The following PITPNB variants were observed in gnomAD, a reference collection of about 807,000 sequenced individuals.
PITPNB encodes phosphatidylinositol transfer protein beta.
PITPNB carries 16 observed loss-of-function variants against 45.9 expected under a neutral mutation model. The ratio of observed to expected loss-of-function variants is 0.35; its 90% CI spans 0.24 to 0.53. The LOEUF is 0.53. Among genes scored for constraint, PITPNB ranks in the 20% least tolerant of loss-of-function variants. The pLI, the probability that PITPNB is intolerant of heterozygous loss-of-function variation, is 0.93. For missense variants in PITPNB, 188 were observed against 330.5 expected (o/e 0.57, Z 3.34); for synonymous variants, 112 against 108.9 (o/e 1.03, Z -0.18).
At chr22:27,918,699 A>C (rs1223968878) in intron 1 of PITPNB, among the ~76,000 whole-genome samples, 2 of 152,180 alleles carry the variant, frequency 1.3e-5, no homozygotes, top group African/African-American at 2.4e-5. Context: ...GAGTCCTGAC[A>C]CGAGGGCTGC....
At chr22:27,894,857 G>A (rs1935390648) in intron 6 of PITPNB, among the ~76,000 whole-genome samples, 1 of 152,188 alleles carries the variant, frequency 6.6e-6, no homozygotes, top group Non-Finnish European at 1.5e-5. Flanking sequence ...GAATGAGGAT[G>A]CTGCCAAATG....
chr22:27,889,775 C>T (rs944126857), intron 7 of PITPNB, among the ~76,000 whole-genome samples: 1 of 152,240 alleles, frequency 6.6e-6, no homozygotes, highest in African/African-American at 2.4e-5. Flanking sequence ...AGCACTGGTA[C>T]ACACTGCACA....
rs1198305329 is a variant in PITPNB, at chr22:27,852,344, A to G, written c.*1358T>C. Reference sequence around the variant, plus strand: ...CAAGCTTCCAGGACTGACAGAGGAAAAACTGGATTCAGACAGAGAAAGCTG... The same window carrying G: ...CAAGCTTCCAGGACTGACAGAGGAAGAACTGGATTCAGACAGAGAAAGCTG... On this transcript the variant is annotated 3_prime_UTR_variant, in exon 12 of 12. Coordinates refer to ENST00000335272, the MANE Select transcript of PITPNB (RefSeq NM_012399.5). The G allele has an allele frequency of 6.6e-6, 1 of 152,244 alleles. No homozygotes were observed. Among genetic ancestry groups the G allele is most frequent in the Non-Finnish European group, 1.5e-5 (1 of 68,040 alleles). 9.4% of individuals were successfully genotyped at this position (152,244 alleles called of 1,614,324 possible).
chr22:27,916,682 A>G (rs1936085784), intron 1 of PITPNB, among the ~76,000 whole-genome samples: 1 of 152,140 alleles, frequency 6.6e-6, no homozygotes, highest in Non-Finnish European at 1.5e-5. Context: ...GTGCGCCTGT[A>G]GTCCCAGCTA....
intron 6 of PITPNB, among the ~76,000 whole-genome samples, chr22:27,895,970 C>G (rs562710032): frequency 1.3e-5 from 2 of 152,212 alleles, no homozygotes; most frequent in African/African-American, 2.4e-5. Flanking sequence ...CCAAGTTCCA[C>G]GACAAACCTT....
At chr22:27,863,659 T>C (rs1934401264) in intron 8 of PITPNB, among the ~76,000 whole-genome samples, 1 of 152,254 alleles carries the variant, frequency 6.6e-6, no homozygotes, top group Non-Finnish European at 1.5e-5. Flanking sequence ...TGGGTGTACC[T>C]AGAACACTGA....
At position 27,864,489 on chromosome 22, in the gene PITPNB, C is replaced by CT. The variant is rs572932810; in HGVS notation, c.535-4249dup. On this transcript the variant is annotated intron_variant, in intron 8 of 11. Transcript: ENST00000335272. ...GTAATTCCACTTTTAGAAACATATC[C>CT]TATTAATCAAGTAAAGAAATGATAC... Among the ~76,000 whole-genome samples the CT allele has an allele frequency of 4.3e-4, 66 of 152,244 alleles. No homozygotes were observed. In the South Asian group the frequency reaches 0.013, roughly 30 times the overall value.
intron 3 of PITPNB, among the ~76,000 whole-genome samples, chr22:27,907,903 G>C (rs1310076329): frequency 6.6e-6 from 1 of 151,838 alleles, no homozygotes; most frequent in Non-Finnish European, 1.5e-5. Flanking sequence ...GAGTGCATGA[G>C]AGGGTAAAAC....
At chr22:27,914,229 T>G (rs1362839781) in intron 2 of PITPNB, 88 bp downstream of exon 2, 7 of 802,310 alleles carry the variant, frequency 8.7e-6, no homozygotes, top group Admixed American at 1.9e-5. Flanking sequence ...AAAAGGTAAA[T>G]CAATACTACG....
At chr22:27,856,727 G>A (rs1934184790) in intron 10 of PITPNB, among the ~76,000 whole-genome samples, 1 of 152,182 alleles carries the variant, frequency 6.6e-6, no homozygotes, top group Admixed American at 6.5e-5. Flanking sequence ...TGCATCATGG[G>A]CTTAGCGTGT....
chr22:27,904,804 C>A (rs1935709496), intron 3 of PITPNB, among the ~76,000 whole-genome samples: 1 of 152,088 alleles, frequency 6.6e-6, no homozygotes, highest in Non-Finnish European at 1.5e-5. Flanking sequence ...TTTACAACCC[C>A]AGTTTGTGGG....
intron 7 of PITPNB, among the ~76,000 whole-genome samples, chr22:27,889,110 G>A (rs151236659): frequency 1.3e-5 from 2 of 152,172 alleles, no homozygotes; most frequent in African/African-American, 2.4e-5. Flanking sequence ...GCACAACTGC[G>A]CTGGGAGAGG....
In PITPNB at chr22:27,894,560, G is replaced by C. The variant is rs774603538; in HGVS notation, c.451C>G (p.Pro151Ala). ...IDIADRSQVE[P>A]ADYKADEDPA... is the part of the protein sequence containing the mutation. ...TGTCATTGAGTAATACTTACTGCTG[G>C]TTCAACTTGACTTCTATCTGCAATA... Residue 151 changes from proline (P) to alanine (A), a missense_variant, in exon 7 of 12, where the codon CCA (proline) becomes GCA (alanine). Physicochemically the swap from Pro to Ala is conservative, Grantham distance 27. Transcript: ENST00000335272. The C allele has an allele frequency of 1.3e-6, 2 of 1,540,430 alleles. No homozygotes were observed. The highest frequency in any genetic ancestry group is 2.3e-5 in the East Asian group (1 of 44,420).
intron 3 of PITPNB, among the ~76,000 whole-genome samples, chr22:27,901,041 A>G (rs1376559893): frequency 6.6e-6 from 1 of 152,112 alleles, no homozygotes. Context: ...TTGTCCTCCC[A>G]AACTATTCAC....
At chr22:27,916,686 C>T (rs1047782729) in intron 1 of PITPNB, among the ~76,000 whole-genome samples, 10 of 151,980 alleles carry the variant, frequency 6.6e-5, no homozygotes, top group African/African-American at 2.4e-4. Context: ...GCCTGTAGTC[C>T]CAGCTACTTG....
intron 7 of PITPNB, 57 bp from the exon 8 acceptor site, chr22:27,873,872 C>T (rs982272026): frequency 2.2e-5 from 25 of 1,150,932 alleles, no homozygotes; most frequent in South Asian, 1.4e-4. Context: ...ATTCTTTAAC[C>T]GTGCCAGAAT....
intron 7 of PITPNB, among the ~76,000 whole-genome samples, chr22:27,877,261 A>G (rs894081820): frequency 7.2e-5 from 11 of 152,252 alleles, no homozygotes; most frequent in South Asian, 2.1e-4. Flanking sequence ...TTATCAAGTT[A>G]GGTGTAATAT....
chr22:27,885,654 C>T (rs1228180676), intron 7 of PITPNB, among the ~76,000 whole-genome samples: 4 of 152,136 alleles, frequency 2.6e-5, no homozygotes, highest in Non-Finnish European at 5.9e-5. Flanking sequence ...GAATTGCAGG[C>T]ATGAGCCACT....
intron 7 of PITPNB, among the ~76,000 whole-genome samples, chr22:27,875,683 C>T (rs1259771616): frequency 6.6e-6 from 1 of 152,178 alleles, no homozygotes; most frequent in Admixed American, 6.5e-5. Context: ...CAAATAATCA[C>T]TTTCAGCATC....
Sources: allele counts gnomAD v4.1 joint callset (sites outside exome capture counted in the v4.1 genomes callset), GRCh38; gene constraint gnomAD v4.1.1; transcripts MANE v1.5; gene names NCBI Gene and HGNC (gene_info 2026-07-23, HGNC 2026-07-21).